CDK17: variants seen among roughly 807,000 people sequenced by gnomAD.
The protein encoded by CDK17 is cyclin-dependent kinase 17.
Under a neutral mutation model 77.6 loss-of-function variants are expected in CDK17, and 24 were observed. The observed-to-expected ratio is 0.31, with a 90% CI of 0.22 to 0.44. The LOEUF (loss-of-function observed/expected upper bound fraction) is 0.44. Ranked by LOEUF, CDK17 falls within the 20% of genes least tolerant of loss-of-function variation. The pLI is 1.00. For missense variants in CDK17, 429 were observed against 622.5 expected (o/e 0.69, Z 3.31); for synonymous variants, 203 against 210.4 (o/e 0.96, Z 0.30).
At position 96,280,400 on chromosome 12, in the gene CDK17, G is replaced by C; in HGVS notation, c.1535-121C>G. 6 of 1,483,610 alleles carry C rather than the reference G, an allele frequency of 4.0e-6. No homozygotes were observed. The South Asian group carries it at 8.5e-5, about 21-fold the overall frequency. The allele number at this position is 1,483,610 out of a possible 1,614,324, so 91.9% of individuals were successfully genotyped here. A position where few individuals can be genotyped will look rare whatever the true frequency, so the allele number is the denominator to read the frequency against. Reference sequence around the variant, plus strand: ...AAAGCTAATATTCCATGGTAAGAGTGATCAGCACTGTCTTAAATGACCCTT... The same window carrying C: ...AAAGCTAATATTCCATGGTAAGAGTCATCAGCACTGTCTTAAATGACCCTT... On this transcript the variant is annotated intron_variant, in intron 16 of 16. Transcript: ENST00000261211.
At chr12:96,367,869 A>AG in intron 1 of CDK17, among the ~76,000 whole-genome samples, 1 of 152,010 alleles carries the variant, frequency 6.6e-6, no homozygotes, top group African/African-American at 2.4e-5. Context: ...AAAAAAAAAA[A>AG]AATCCCTTAT....
intron 5 of CDK17, among the ~76,000 whole-genome samples, chr12:96,302,194 T>C (rs1369432373): frequency 1.3e-5 from 2 of 152,080 alleles, no homozygotes; most frequent in Non-Finnish European, 2.9e-5. Flanking sequence ...AATAAAGAAG[T>C]AAAACTACAA....
intron 1 of CDK17, among the ~76,000 whole-genome samples, chr12:96,346,904 ACT>A (rs968530254): frequency 6.6e-6 from 1 of 150,492 alleles, no homozygotes; most frequent in South Asian, 2.1e-4. Flanking sequence ...AGGGAGGGAG[ACT>A]CTGTCTCAAA....
intron 15 of CDK17, 107 bp from the exon 16 acceptor site, chr12:96,280,992 C>A: frequency 1.1e-6 from 1 of 926,900 alleles, no homozygotes; most frequent in East Asian, 2.8e-5. Context: ...AATATGAAAC[C>A]ATTTTACAAG....
chr12:96,369,293 C>T lies in CDK17; in HGVS notation c.-30+30693G>A, dbSNP rs532629428. On this transcript the variant is annotated intron_variant, in intron 1 of 16. Coordinates refer to ENST00000261211, the MANE Select transcript of CDK17 (RefSeq NM_002595.5). ...CATGAAAGGAATTCTTTACATAAACCAACACAGTCTCTACCATTTCTGGTT... is the reference window on the plus strand; with the variant it reads ...CATGAAAGGAATTCTTTACATAAACTAACACAGTCTCTACCATTTCTGGTT... Among the ~76,000 whole-genome samples the T allele has an allele frequency of 2.5e-4, 38 of 152,054 alleles. No individual in the cohort carries two copies. The South Asian group carries it at 7.5e-3, about 30-fold the overall frequency.
chr12:96,325,391 A>G (rs1463099084), intron 2 of CDK17, among the ~76,000 whole-genome samples: 1 of 152,188 alleles, frequency 6.6e-6, no homozygotes, highest in African/African-American at 2.4e-5. Context: ...CTGTTTCTCA[A>G]CTAAGGTTTC....
chr12:96,321,798 G>T (rs2137122186), intron 3 of CDK17, among the ~76,000 whole-genome samples: 1 of 113,116 alleles, frequency 8.8e-6, no homozygotes, highest in South Asian at 3.6e-4. Context: ...ATCACACTCT[G>T]GGGACTGTGG....
At chr12:96,361,188 G>C (rs566151307) in intron 1 of CDK17, among the ~76,000 whole-genome samples, 1 of 152,190 alleles carries the variant, frequency 6.6e-6, no homozygotes, top group Non-Finnish European at 1.5e-5. Flanking sequence ...GCTAGTTGAT[G>C]CTGGCATCTC....
chr12:96,370,567 A>G (rs971152934), intron 1 of CDK17, among the ~76,000 whole-genome samples: 18 of 152,182 alleles, frequency 1.2e-4, no homozygotes, highest in Admixed American at 5.9e-4. Flanking sequence ...TGGTCTGGGG[A>G]ACCTTTATGG....
At chr12:96,340,211 C>G (rs1953104076) in intron 1 of CDK17, among the ~76,000 whole-genome samples, 1 of 151,944 alleles carries the variant, frequency 6.6e-6, no homozygotes, top group Non-Finnish European at 1.5e-5. Context: ...AACAATGTAT[C>G]AGGGGACATT....
intron 1 of CDK17, among the ~76,000 whole-genome samples, chr12:96,390,708 C>CAAAA (rs71097285): frequency 1.6e-4 from 7 of 43,386 alleles, no homozygotes; most frequent in Non-Finnish European, 2.2e-4. Context: ...GACTCCATCT[C>CAAAA]AAAAAAAAAA....
chr12:96,383,404 G>GAAAAAA (rs57708359), intron 1 of CDK17, among the ~76,000 whole-genome samples: 1 of 137,138 alleles, frequency 7.3e-6, no homozygotes, highest in Non-Finnish European at 1.6e-5. Context: ...AAAATTAGAA[G>GAAAAAA]AAAAAAAAAA....
intron 1 of CDK17, among the ~76,000 whole-genome samples, chr12:96,369,274 AG>A (rs1176892144): frequency 6.6e-6 from 1 of 152,236 alleles, no homozygotes; most frequent in Non-Finnish European, 1.5e-5. Flanking sequence ...TATTCATGAA[AG>A]GAATTCTTTA....
At chr12:96,334,381 T>G (rs896819925) in intron 2 of CDK17, among the ~76,000 whole-genome samples, 1 of 152,192 alleles carries the variant, frequency 6.6e-6, no homozygotes, top group South Asian at 2.1e-4. Flanking sequence ...TGTATTAACT[T>G]GGGTTATAAG....
At chr12:96,282,301 G>C in intron 15 of CDK17, 1 of 481,502 alleles carries the variant, frequency 2.1e-6, no homozygotes, top group South Asian at 3.8e-5. Context: ...GTTTCCTACA[G>C]AGGAGTGACA....
chr12:96,398,826 C>T lies in CDK17; in HGVS notation c.-30+1160G>A, dbSNP rs1954212391. ...CTGTTAGGACCTGATGTCAATTTGA[C>T]GAAGAGGTGATAGAACATGACCAAC... On this transcript the variant is annotated intron_variant, in intron 1 of 16. Coordinates refer to ENST00000261211, the MANE Select transcript of CDK17 (RefSeq NM_002595.5). 2.0e-5 allele frequency among the ~76,000 whole-genome samples: 3 copies of T among 152,052 alleles called. No individual in the cohort carries two copies. The South Asian group carries it at 6.2e-4, about 32-fold the overall frequency.
intron 1 of CDK17, among the ~76,000 whole-genome samples, chr12:96,376,046 T>C (rs1211673627): frequency 6.6e-6 from 1 of 152,214 alleles, no homozygotes; most frequent in Non-Finnish European, 1.5e-5. Context: ...CACTGAGAAC[T>C]GAAACTGTCT....
At chr12:96,311,682 T>C (rs1451706444) in intron 4 of CDK17, among the ~76,000 whole-genome samples, 3 of 151,346 alleles carry the variant, frequency 2.0e-5, no homozygotes, top group African/African-American at 7.3e-5. Flanking sequence ...ATTTAAGCCC[T>C]ATAAAAAGAA....
intron 7 of CDK17, 130 bp from the exon 8 acceptor site, chr12:96,297,851 TC>T: frequency 2.0e-6 from 1 of 510,136 alleles, no homozygotes. Context: ...ACCCCTATAA[TC>T]CCAGCACTTT....
Sources: gnomAD v4.1 joint callset for allele counts (sites outside exome capture counted in the v4.1 genomes callset) on GRCh38, gnomAD v4.1.1 for gene constraint, MANE v1.5 for transcripts, NCBI Gene and HGNC (gene_info 2026-07-23, HGNC 2026-07-21) for gene names.